SFMBT1: variants seen among roughly 807,000 people sequenced by gnomAD.
The protein encoded by SFMBT1 is scm-like with four MBT domains protein 1.
A neutral mutation model predicts 108.7 loss-of-function variants in SFMBT1; 32 were observed. That is an observed-to-expected ratio of 0.29 (90% CI 0.22 to 0.40). The LOEUF (loss-of-function observed/expected upper bound fraction) is 0.40, where lower values mean the gene tolerates loss of function less well. SFMBT1 is among the 10% of genes least tolerant of loss of function. SFMBT1 has a pLI of 1.00. For missense variants in SFMBT1, 816 were observed against 1,059.6 expected (o/e 0.77, Z 3.19); for synonymous variants, 348 against 369.5 (o/e 0.94, Z 0.67).
At chr3:52,954,514 C>T in intron 2 of SFMBT1, 103 bp from the exon 3 acceptor site, 1 of 902,930 alleles carries the variant, frequency 1.1e-6, no homozygotes, top group Non-Finnish European at 1.7e-6. Flanking sequence ...ATTTACTTCA[C>T]AACTGATTTT....
Position 52,998,078 on chromosome 3 carries a change from C to A in SFMBT1, c.-130-28820G>T, listed in dbSNP as rs1442040659. Among the ~76,000 whole-genome samples, 6 of 150,432 alleles carry A rather than the reference C, an allele frequency of 4.0e-5. 2 individuals are homozygous for A. In the East Asian group the frequency reaches 1.2e-3, roughly 29 times the overall value. On this transcript the variant is annotated intron_variant, in intron 1 of 20. Transcript: ENST00000394752. The stretch of plus-strand genomic sequence containing the variant: ...ATTTTTTAAATTACAGCATGTATAA[C>A]AATGGGAACTGAGCTCTGCATAAAT...
chr3:52,990,666 AAG>A (rs752424205), intron 1 of SFMBT1, among the ~76,000 whole-genome samples: 1 of 152,202 alleles, frequency 6.6e-6, no homozygotes, highest in Non-Finnish European at 1.5e-5. Flanking sequence ...TTGAGCAAGA[AAG>A]AGAGGAAAGG....
At chr3:53,024,674 T>A (rs1699427204) in intron 1 of SFMBT1, among the ~76,000 whole-genome samples, 1 of 152,214 alleles carries the variant, frequency 6.6e-6, no homozygotes, top group South Asian at 2.1e-4. Flanking sequence ...ACCAATGTGC[T>A]AGCACTACTT....
intron 2 of SFMBT1, among the ~76,000 whole-genome samples, chr3:52,963,343 A>G (rs983349859): frequency 6.6e-6 from 1 of 152,194 alleles, no homozygotes; most frequent in African/African-American, 2.4e-5. Flanking sequence ...AGAAACAATT[A>G]AATTGAAATT....
Position 52,932,200 on chromosome 3 carries a change from T to C in SFMBT1, c.562A>G (p.Ile188Val), listed in dbSNP as rs1425077201. Residue 188 changes from isoleucine to valine, a missense_variant, in exon 6 of 21, where the codon ATT (isoleucine) becomes GTT (valine). Transcript: ENST00000394752. ...TAACGTAGCTTCAGCCTTCCTCCAA[T>C]GTTTTCTACTACAGTAACAATCCAA... ...STWIVTVVENIGGRLKLRYEG... is the reference protein window; with the variant it reads ...STWIVTVVENVGGRLKLRYEG... The C allele has an allele frequency of 3.1e-6, 5 of 1,614,088 alleles. No homozygotes were observed. The South Asian group carries it at 4.4e-5, about 14-fold the overall frequency.
At chr3:52,976,238 C>T (rs1180170910) in intron 1 of SFMBT1, among the ~76,000 whole-genome samples, 1 of 151,822 alleles carries the variant, frequency 6.6e-6, no homozygotes, top group Non-Finnish European at 1.5e-5. Flanking sequence ...TCCATCTCTA[C>T]AAAAAAAGTT....
intron 11 of SFMBT1, among the ~76,000 whole-genome samples, chr3:52,920,854 A>G (rs1388222414): frequency 1.3e-5 from 2 of 152,216 alleles, no homozygotes; most frequent in African/African-American, 4.8e-5. Flanking sequence ...CTGTATCAGG[A>G]CCAAAATGGG....
At chr3:52,928,434 C>A in intron 8 of SFMBT1, 93 bp from the exon 9 acceptor site, 1 of 1,325,624 alleles carries the variant, frequency 7.5e-7, no homozygotes, top group Admixed American at 2.1e-5. Flanking sequence ...AAAGTTCATA[C>A]TCATGTGGGT....
chr3:52,959,491 C>T (rs535222072), intron 2 of SFMBT1, among the ~76,000 whole-genome samples: 14 of 152,236 alleles, frequency 9.2e-5, no homozygotes, highest in African/African-American at 2.4e-4. Flanking sequence ...TCACCACACT[C>T]GGGTGACAAT....
At chr3:53,041,894 C>T (rs910728551) in intron 1 of SFMBT1, among the ~76,000 whole-genome samples, 1 of 151,916 alleles carries the variant, frequency 6.6e-6, no homozygotes, top group Non-Finnish European at 1.5e-5. Flanking sequence ...TTTTCAAATA[C>T]AAAATATCCC....
At chr3:52,909,694 C>G (rs1702172115) in intron 17 of SFMBT1, among the ~76,000 whole-genome samples, 1 of 152,164 alleles carries the variant, frequency 6.6e-6, no homozygotes, top group Admixed American at 6.5e-5. Flanking sequence ...TAAAAATCCT[C>G]CTCTGTAGTG....
intron 1 of SFMBT1, among the ~76,000 whole-genome samples, chr3:52,974,526 TAACTC>T (rs1371630139): frequency 6.6e-6 from 1 of 152,204 alleles, no homozygotes; most frequent in African/African-American, 2.4e-5. Context: ...AATGCCAACA[TAACTC>T]AGGGGCAGAA....
chr3:52,930,011 C>A (rs1476428473), intron 8 of SFMBT1, among the ~76,000 whole-genome samples: 4 of 152,194 alleles, frequency 2.6e-5, no homozygotes, highest in Non-Finnish European at 2.9e-5. Context: ...CTGCCTCCAA[C>A]TTTACAGATA....
intron 1 of SFMBT1, among the ~76,000 whole-genome samples, chr3:53,005,781 T>C (rs555612918): frequency 1.3e-5 from 2 of 152,340 alleles, no homozygotes; most frequent in East Asian, 3.9e-4. Flanking sequence ...CTACCTGGGA[T>C]GTAAACGATG....
chr3:52,945,768 C>T (rs1048767534), intron 3 of SFMBT1, among the ~76,000 whole-genome samples: 12 of 148,704 alleles, frequency 8.1e-5, no homozygotes, highest in Non-Finnish European at 1.3e-4. Context: ...GATCGCACCA[C>T]GGCAGGCAAT....
At chr3:52,920,996 A>G (rs1702505974) in intron 11 of SFMBT1, among the ~76,000 whole-genome samples, 1 of 152,228 alleles carries the variant, frequency 6.6e-6, no homozygotes, top group Non-Finnish European at 1.5e-5. Flanking sequence ...GGCAAAGGTG[A>G]CAATTTTACT....
At chr3:52,928,647 T>TATATAC (rs1559514110) in intron 8 of SFMBT1, among the ~76,000 whole-genome samples, 1 of 108,040 alleles carries the variant, frequency 9.3e-6, no homozygotes, top group African/African-American at 3.4e-5. Context: ...CATATATATA[T>TATATAC]ATATATACAC....
At chr3:53,032,278 G>A (rs1239168263) in intron 1 of SFMBT1, among the ~76,000 whole-genome samples, 1 of 152,234 alleles carries the variant, frequency 6.6e-6, no homozygotes, top group East Asian at 1.9e-4. Context: ...GCTGATGTGG[G>A]AGGATCTCTT....
At chr3:52,947,797 C>T (rs1292523946) in intron 3 of SFMBT1, among the ~76,000 whole-genome samples, 2 of 151,318 alleles carry the variant, frequency 1.3e-5, no homozygotes, top group South Asian at 2.1e-4. Flanking sequence ...TGCAGTGGCG[C>T]GATCTCAGCT....
Sources: allele counts gnomAD v4.1 joint callset (sites outside exome capture counted in the v4.1 genomes callset), GRCh38; gene constraint gnomAD v4.1.1; transcripts MANE v1.5; gene names NCBI Gene and HGNC (gene_info 2026-07-23, HGNC 2026-07-21).